The following CDK7 variants were observed in gnomAD, a reference collection of about 807,000 sequenced individuals.
CDK7 encodes cyclin-dependent kinase 7.
CDK7 carries 25 observed loss-of-function variants against 49.1 expected under a neutral mutation model. The ratio of observed to expected loss-of-function variants is 0.51; its 90% CI spans 0.37 to 0.71. The LOEUF is 0.71. CDK7 is among the 30% of genes least tolerant of loss of function. The pLI, the probability that CDK7 is intolerant of heterozygous loss-of-function variation, is 0.00. For synonymous variants in CDK7, 107 were observed against 140.0 expected, an observed-to-expected ratio of 0.76 and a Z score of 1.67; for missense variants, 316 against 411.7, an observed-to-expected ratio of 0.77 and a Z score of 2.01.
At chr5:69,234,824 C>T (rs752683097), upstream of CDK7, 1 of 758,774 alleles carries the variant, frequency 1.3e-6, no homozygotes, top group Non-Finnish European at 2.2e-6. Context: ...CCTAGCGCAG[C>T]TTCCTCCGCC....
chr5:69,271,110 T>C (rs1051358725), intron 9 of CDK7, among the ~76,000 whole-genome samples: 4 of 152,242 alleles, frequency 2.6e-5, no homozygotes, highest in Non-Finnish European at 4.4e-5. Flanking sequence ...CTCCAGTTTC[T>C]TGGAATCCTC....
chr5:69,273,763 A>G (rs1302085025), intron 10 of CDK7, among the ~76,000 whole-genome samples: 1 of 152,188 alleles, frequency 6.6e-6, no homozygotes, highest in African/African-American at 2.4e-5. Flanking sequence ...AGTAATATTA[A>G]GCATACAAAA....
intron 4 of CDK7, 105 bp from the exon 5 acceptor site, chr5:69,255,355 T>C: frequency 1.6e-6 from 1 of 637,682 alleles, no homozygotes; most frequent in Non-Finnish European, 2.8e-6. Context: ...TATAGGGAAT[T>C]ACCAACAGTT....
chr5:69,243,001 C>T (rs1749490564), intron 2 of CDK7, among the ~76,000 whole-genome samples: 1 of 152,130 alleles, frequency 6.6e-6, no homozygotes. Flanking sequence ...GCTGAGATTG[C>T]ACCTTTGCAC....
In CDK7 at chr5:69,239,890, T is replaced by TTC. The variant is rs1261390844; in HGVS notation, c.126+4437_126+4438insTC. On this transcript the variant is annotated intron_variant, in intron 2 of 11. Coordinates refer to ENST00000256443, the MANE Select transcript of CDK7 (RefSeq NM_001799.4). ...GAGGATCCAGTATTTTTTTTTTTTT[T>TTC]CAATAGAGACAGGGTCTTTCTATAT... Among the ~76,000 whole-genome samples the TTC allele has an allele frequency of 9.9e-5, 15 of 151,958 alleles. No individual in the cohort carries two copies. The East Asian group carries it at 2.5e-3, about 25-fold the overall frequency.
intron 7 of CDK7, among the ~76,000 whole-genome samples, chr5:69,261,421 T>C (rs966621721): frequency 2.1e-4 from 32 of 152,016 alleles, no homozygotes; most frequent in South Asian, 8.3e-4. Context: ...AGTGTGGACA[T>C]GACTGATAAG....
At chr5:69,237,622 C>A (rs937982791) in intron 2 of CDK7, among the ~76,000 whole-genome samples, 2 of 152,144 alleles carry the variant, frequency 1.3e-5, no homozygotes, top group Non-Finnish European at 2.9e-5. Context: ...TACCTAGGGC[C>A]ATGGCTAGTA....
At position 69,259,693 on chromosome 5, in the gene CDK7, T is replaced by C. The variant is rs112639198; in HGVS notation, c.409-125T>C. 1,232 of 652,382 alleles carry C rather than the reference T, an allele frequency of 1.9e-3. 3 individuals are homozygous for C. Among genetic ancestry groups the C allele is most frequent in the African/African-American group, 8.9e-3 (491 of 55,414 alleles). 40.4% of individuals were successfully genotyped at this position (652,382 alleles called of 1,614,324 possible). A position where few individuals can be genotyped will look rare whatever the true frequency, so the allele number is the denominator to read the frequency against. ...GGATTTTATATCAGTGGGAAAAAAA[T>C]TGATTGTTTAGATTTCAGGTGTTAC... On this transcript the variant is annotated intron_variant, in intron 6 of 11. Coordinates refer to ENST00000256443, the MANE Select transcript of CDK7 (RefSeq NM_001799.4).
chr5:69,261,329 A>G (rs991812628), intron 7 of CDK7, among the ~76,000 whole-genome samples: 2 of 152,176 alleles, frequency 1.3e-5, no homozygotes, highest in African/African-American at 2.4e-5. Context: ...CCAGTTTCTC[A>G]TATTTTCTCT....
chr5:69,275,094 G>A (rs1294794242), intron 10 of CDK7, among the ~76,000 whole-genome samples: 4 of 150,924 alleles, frequency 2.7e-5, no homozygotes, highest in Non-Finnish European at 5.9e-5. Context: ...AGCATGACCT[G>A]ACAAACTTGT....
At chr5:69,270,796 ATAAT>A in intron 9 of CDK7, among the ~76,000 whole-genome samples, 1 of 152,314 alleles carries the variant, frequency 6.6e-6, no homozygotes, top group African/African-American at 2.4e-5. Context: ...TTGCATGTTA[ATAAT>A]TCATTCTCTC....
intron 2 of CDK7, among the ~76,000 whole-genome samples, chr5:69,244,851 T>C (rs1366669634): frequency 1.3e-5 from 2 of 152,148 alleles, no homozygotes; most frequent in Non-Finnish European, 2.9e-5. Flanking sequence ...TGTTGAGATA[T>C]GTTCTTCTAT....
At chr5:69,257,115 T>A (rs755915906) in intron 5 of CDK7, among the ~76,000 whole-genome samples, 2 of 152,106 alleles carry the variant, frequency 1.3e-5, no homozygotes, top group Non-Finnish European at 2.9e-5. Flanking sequence ...TTATATGATA[T>A]TCTGGAAAAG....
chr5:69,264,151 T>C (rs985718687), intron 8 of CDK7, among the ~76,000 whole-genome samples: 17 of 151,888 alleles, frequency 1.1e-4, no homozygotes, highest in South Asian at 8.3e-4. Flanking sequence ...TTGGAAAAAA[T>C]GGAAACAACC....
intron 9 of CDK7, among the ~76,000 whole-genome samples, chr5:69,271,797 C>CTTGT (rs1357403460): frequency 6.6e-6 from 1 of 152,146 alleles, no homozygotes; most frequent in Admixed American, 6.6e-5. Context: ...CAGGCATGAG[C>CTTGT]CACTATGCCC....
intron 2 of CDK7, among the ~76,000 whole-genome samples, chr5:69,237,232 C>T (rs1013674901): frequency 6.6e-6 from 1 of 152,094 alleles, no homozygotes; most frequent in Non-Finnish European, 1.5e-5. Flanking sequence ...TCCAAGGTAG[C>T]TGGGACTATA....
intron 9 of CDK7, 116 bp from the exon 10 acceptor site, chr5:69,272,776 A>C: frequency 1.8e-6 from 1 of 557,350 alleles, no homozygotes; most frequent in Non-Finnish European, 2.9e-6. Context: ...AGGACTTTTT[A>C]ATAGATTTCT....
At chr5:69,235,522 C>A in intron 2 of CDK7, 69 bp downstream of exon 2, 1 of 1,015,338 alleles carries the variant, frequency 9.8e-7, no homozygotes, top group Non-Finnish European at 1.6e-6. Flanking sequence ...GACTGATAGC[C>A]ATTTTATTAG....
At chr5:69,270,423 G>A (rs1406670515) in intron 9 of CDK7, among the ~76,000 whole-genome samples, 1 of 152,332 alleles carries the variant, frequency 6.6e-6, no homozygotes, top group East Asian at 1.9e-4. Flanking sequence ...TTACCAGCAT[G>A]AGTAACTGAG....
Sources: allele counts gnomAD v4.1 joint callset (sites outside exome capture counted in the v4.1 genomes callset), GRCh38; gene constraint gnomAD v4.1.1; transcripts MANE v1.5; gene names NCBI Gene and HGNC (gene_info 2026-07-23, HGNC 2026-07-21).